Variants in BAZ1A observed in about 807,000 individuals in gnomAD.
BAZ1A encodes bromodomain adjacent to zinc finger domain 1A, also known as bromodomain adjacent to zinc finger domain protein 1A.
A neutral mutation model predicts 185.2 loss-of-function variants in BAZ1A; 50 were observed. That is an observed-to-expected ratio of 0.27 (90% CI 0.22 to 0.34). BAZ1A has a LOEUF of 0.34. BAZ1A is among the 10% of genes least tolerant of loss of function. The probability of loss-of-function intolerance (pLI) is 1.00; values close to 1 mark genes in which losing one functional copy is unlikely to be tolerated. For missense variants in BAZ1A, 1,356 were observed against 1,839.9 expected, an observed-to-expected ratio of 0.74 and a Z score of 4.81; for synonymous variants, 571 against 615.6, an observed-to-expected ratio of 0.93 and a Z score of 1.07.
intron 2 of BAZ1A, among the ~76,000 whole-genome samples, chr14:34,866,502 A>AAAAAAAAAAAAAAATAAAG: frequency 6.3e-5 from 5 of 79,556 alleles, no homozygotes; most frequent in East Asian, 2.7e-4. Flanking sequence ...AAAAAAAAAA[A>AAAAAAAAAAAAAAATAAAG]GAAAAAAGTT....
intron 2 of BAZ1A, among the ~76,000 whole-genome samples, chr14:34,873,556 G>A (rs2042986244): frequency 6.6e-6 from 1 of 152,190 alleles, no homozygotes; most frequent in Non-Finnish European, 1.5e-5. Context: ...ATGTCAGGCA[G>A]CCCACATGCG....
chr14:34,761,777 C>A lies in BAZ1A; in HGVS notation c.4223G>T (p.Cys1408Phe). Residue 1408 changes from cysteine (C) to phenylalanine (F), a missense_variant, in exon 24 of 27, where the codon TGC becomes TTC. Cys to Phe is a radical substitution (Grantham distance 205). Around this residue, in one of 7 missense-constraint regions of BAZ1A, gnomAD observed 309 missense variants for 355.3 expected, o/e 0.87. Transcript: ENST00000360310. ...SLQESESKRRCRKRQSPEPSP... is the reference protein window; with the variant it reads ...SLQESESKRRFRKRQSPEPSP... ...CATACCTGGAGATTGTCTTTTTCTGCATCTTCTTTTGGATTCACTCTCTTG... is the reference window on the plus strand; with the variant it reads ...CATACCTGGAGATTGTCTTTTTCTGAATCTTCTTTTGGATTCACTCTCTTG... 6.2e-7 allele frequency: 1 copy of A among 1,611,176 alleles called. No individual in the cohort carries two copies. The highest frequency in any genetic ancestry group is 1.1e-5 in the South Asian group (1 of 90,730).
At chr14:34,829,758 T>A (rs1361609820) in intron 3 of BAZ1A, among the ~76,000 whole-genome samples, 1 of 152,228 alleles carries the variant, frequency 6.6e-6, no homozygotes, top group Non-Finnish European at 1.5e-5. Flanking sequence ...TCTATTTTTA[T>A]GGTTCAAAAT....
chr14:34,862,139 C>T lies in BAZ1A; in HGVS notation c.297G>A (p.Ser99=), dbSNP rs1205541164. 23 of 1,614,008 alleles carry T rather than the reference C, an allele frequency of 1.4e-5. No individual in the cohort carries two copies. Among genetic ancestry groups the T allele is most frequent in the African/African-American group, 8.0e-5 (6 of 74,904 alleles). ...VLYLTSLTHR[S]RLHEICDDIF... is the part of the protein sequence containing the mutation. ...TATCATCACAAATTTCATGTAAGCG[C>T]GAACGATGGGTAAGGCTGGTCAAGT... The change falls in exon 3 of 27, where the codon TCG becomes TCA. Residue 99 remains serine (S), a synonymous_variant. Coordinates refer to ENST00000360310, the MANE Select transcript of BAZ1A (RefSeq NM_013448.3).
chr14:34,862,226 T>C lies in BAZ1A; in HGVS notation c.210A>G (p.Ser70=), dbSNP rs1262278355. The C allele has an allele frequency of 6.2e-7, 1 of 1,614,166 alleles. No individual in the cohort carries two copies. The highest frequency in any genetic ancestry group is 8.5e-7 in the Non-Finnish European group (1 of 1,180,030). The change falls in exon 3 of 27, where the codon TCA becomes TCG. Residue 70 remains serine (S), a synonymous_variant. Coordinates refer to ENST00000360310, the MANE Select transcript of BAZ1A (RefSeq NM_013448.3). ...GAAGATTCTGTCTTGCTTTTTTTTC[T>C]GACTCAAGTGCTTCCTGATACGTCA... ...PGLTYQEALE[S]EKKARQNLQS... is the part of the protein sequence containing the mutation.
chr14:34,775,520 G>C (rs1435963419), intron 18 of BAZ1A, among the ~76,000 whole-genome samples: 2 of 152,184 alleles, frequency 1.3e-5, no homozygotes, highest in African/African-American at 4.8e-5. Flanking sequence ...CTCCAAAGAA[G>C]TGACCATTAG....
chr14:34,754,425 A>AG (rs61400710), intron 26 of BAZ1A, among the ~76,000 whole-genome samples: 15,974 of 150,178 alleles, frequency 0.11, 1,187 homozygotes, highest in Admixed American at 0.22. Context: ...CTCAAAAAAA[A>AG]AAAAAAAGAA....
At chr14:34,809,194 C>G (rs2138673274) in intron 5 of BAZ1A, among the ~76,000 whole-genome samples, 1 of 152,156 alleles carries the variant, frequency 6.6e-6, no homozygotes, top group African/African-American at 2.4e-5. Flanking sequence ...AAAGATTTCC[C>G]TCCCACACAG....
At chr14:34,763,655 T>A (rs114960466) in intron 23 of BAZ1A, among the ~76,000 whole-genome samples, 1 of 152,222 alleles carries the variant, frequency 6.6e-6, no homozygotes, top group African/African-American at 2.4e-5. Context: ...CAATTCTGCA[T>A]CAAGCAAGTT....
chr14:34,754,214 T>C (rs1886138487), intron 26 of BAZ1A, among the ~76,000 whole-genome samples: 1 of 145,678 alleles, frequency 6.9e-6, no homozygotes, highest in Non-Finnish European at 1.5e-5. Flanking sequence ...ATCGCACCAC[T>C]GCACTCCAGC....
At chr14:34,872,935 A>AAC (rs2042973956) in intron 2 of BAZ1A, among the ~76,000 whole-genome samples, 1 of 130,646 alleles carries the variant, frequency 7.7e-6, no homozygotes, top group Admixed American at 7.4e-5. Context: ...AAAAAAAAAA[A>AAC]AAAAAACTTG....
At chr14:34,808,890 G>A (rs2041889395) in intron 5 of BAZ1A, among the ~76,000 whole-genome samples, 1 of 152,112 alleles carries the variant, frequency 6.6e-6, no homozygotes, top group Non-Finnish European at 1.5e-5. Context: ...GCTCCTATAA[G>A]TGAATAAACA....
intron 7 of BAZ1A, among the ~76,000 whole-genome samples, chr14:34,801,959 A>C (rs546608889): frequency 1.3e-5 from 2 of 152,254 alleles, no homozygotes; most frequent in South Asian, 4.1e-4. Context: ...TCTTAGTAAT[A>C]AACAGAACAT....
intron 12 of BAZ1A, among the ~76,000 whole-genome samples, chr14:34,787,284 C>T (rs559210483): frequency 5.0e-5 from 7 of 139,190 alleles, no homozygotes; most frequent in Non-Finnish European, 6.1e-5. Flanking sequence ...ACCTGGGAGG[C>T]AGAGGGTGCA....
chr14:34,786,603 GTGTTTTTTTTT>G (rs1880461772), intron 12 of BAZ1A: 1 of 106,854 alleles, frequency 9.4e-6, no homozygotes, highest in East Asian at 3.4e-4. Flanking sequence ...TCTTTTATGT[GTGTTTTTTTTT>G]TTTTTTTTTT....
At chr14:34,754,671 A>G (rs1886165798) in intron 26 of BAZ1A, among the ~76,000 whole-genome samples, 156 bp downstream of exon 26, 1 of 151,806 alleles carries the variant, frequency 6.6e-6, no homozygotes, top group South Asian at 2.1e-4. Flanking sequence ...GTACTTGTGG[A>G]ACCTCATGGA....
At chr14:34,790,477 C>T (rs1880774310) in intron 12 of BAZ1A, among the ~76,000 whole-genome samples, 2 of 152,142 alleles carry the variant, frequency 1.3e-5, no homozygotes, top group Admixed American at 1.3e-4. Flanking sequence ...CCTTAGCTTC[C>T]CAAGTAGCTG....
At chr14:34,802,152 C>T in intron 7 of BAZ1A, among the ~76,000 whole-genome samples, 1 of 151,986 alleles carries the variant, frequency 6.6e-6, no homozygotes, top group East Asian at 1.9e-4. Flanking sequence ...TTCTTGTGGC[C>T]AATGTCAAAT....
At chr14:34,840,932 C>T (rs2138757405) in intron 3 of BAZ1A, among the ~76,000 whole-genome samples, 1 of 148,702 alleles carries the variant, frequency 6.7e-6, no homozygotes, top group Admixed American at 6.9e-5. Context: ...CCTTAGGGTA[C>T]ATTTATAACA....
Sources: gnomAD v4.1 joint callset for allele counts (sites outside exome capture counted in the v4.1 genomes callset) on GRCh38, gnomAD v4.1.1 for gene constraint, gnomAD v4.1.1 regional missense constraint, MANE v1.5 for transcripts, NCBI Gene and HGNC (gene_info 2026-07-23, HGNC 2026-07-21) for gene names.